CXADR: variants seen among roughly 807,000 people sequenced by gnomAD.
The protein encoded by CXADR is coxsackievirus and adenovirus receptor.
In CXADR, 20 loss-of-function variants were observed where a neutral mutation model predicts 40.3. The ratio of observed to expected loss-of-function variants is 0.50; its 90% confidence interval spans 0.35 to 0.72. The LOEUF is 0.72. Ranked by LOEUF, CXADR falls within the 30% of genes least tolerant of loss-of-function variation. CXADR has a pLI of 0.01. For synonymous variants in CXADR, 150 were observed against 161.3 expected, an observed-to-expected ratio of 0.93 and a Z score of 0.53; for missense variants, 332 against 449.1, an observed-to-expected ratio of 0.74 and a Z score of 2.36.
At chr21:17,615,494 A>G in the CXADR span, among the ~76,000 whole-genome samples, 5 of 152,346 alleles carry the variant, frequency 3.3e-5, no homozygotes, top group Admixed American at 2.6e-4. Context: ...AATTAGGAAC[A>G]GTAAGAGATT....
intron 1 of CXADR, among the ~76,000 whole-genome samples, chr21:17,531,998 G>A (rs578249714): frequency 2.5e-4 from 38 of 151,008 alleles, no homozygotes; most frequent in African/African-American, 8.5e-4. Context: ...CTGGAATGCA[G>A]TGATGCAGTC....
chr21:17,601,525 AAAAC>A, the CXADR span, among the ~76,000 whole-genome samples: 1 of 152,178 alleles, frequency 6.6e-6, no homozygotes, highest in African/African-American at 2.4e-5. Context: ...CCCTCTCTCT[AAAAC>A]AAAACAAAAC....
At chr21:17,546,009 C>T (rs2060892590) in intron 1 of CXADR, among the ~76,000 whole-genome samples, 1 of 152,110 alleles carries the variant, frequency 6.6e-6, no homozygotes, top group Non-Finnish European at 1.5e-5. Flanking sequence ...GAACTCCTGA[C>T]TTCAGATGAT....
chr21:17,573,802 G>A (rs1484528730), downstream of CXADR, among the ~76,000 whole-genome samples: 1 of 152,232 alleles, frequency 6.6e-6, no homozygotes, highest in Admixed American at 6.5e-5. Flanking sequence ...AGTTACTCGG[G>A]AGGCTGAGGC....
At chr21:17,571,859 T>C (rs1056256783), downstream of CXADR, among the ~76,000 whole-genome samples, 2 of 152,212 alleles carry the variant, frequency 1.3e-5, no homozygotes, top group African/African-American at 4.8e-5. Flanking sequence ...CTTTGCATTC[T>C]AATTGTTTCG....
intron 1 of CXADR, among the ~76,000 whole-genome samples, chr21:17,515,426 C>A (rs571393767): frequency 6.6e-6 from 1 of 151,366 alleles, no homozygotes; most frequent in African/African-American, 2.4e-5. Flanking sequence ...CGAGCCTGGG[C>A]GACAGAGTGA....
chr21:17,544,866 T>C (rs1194536589), intron 1 of CXADR, among the ~76,000 whole-genome samples: 3 of 152,194 alleles, frequency 2.0e-5, no homozygotes, highest in African/African-American at 7.2e-5. Flanking sequence ...TCTCAGTCTA[T>C]TGGCTTTGAC....
chr21:17,624,803 T>C, the CXADR span, among the ~76,000 whole-genome samples: 1 of 152,302 alleles, frequency 6.6e-6, no homozygotes, highest in South Asian at 2.1e-4. Context: ...TGGGCCCATA[T>C]GCTTGCTGTC....
At chr21:17,597,523 G>A (rs1390023336), downstream of CXADR, among the ~76,000 whole-genome samples, 2 of 151,956 alleles carry the variant, frequency 1.3e-5, no homozygotes, top group African/African-American at 4.8e-5. Flanking sequence ...GGTAATGAAT[G>A]TCTCTGTGGA....
rs1489982019 is a variant in CXADR, at chr21:17,565,718, C to G, written c.*26C>G. 3.2e-6 allele frequency: 5 copies of G among 1,586,902 alleles called. No homozygotes were observed. Among genetic ancestry groups the G allele is most frequent in the Non-Finnish European group, 3.4e-6 (4 of 1,166,164 alleles). ...AGCCTCCATATGTCTCATCTGTGCTCTCCGTGTTCCTTTCCTTTTTTTGAT... is the reference window on the plus strand; with the variant it reads ...AGCCTCCATATGTCTCATCTGTGCTGTCCGTGTTCCTTTCCTTTTTTTGAT... On this transcript the variant is annotated 3_prime_UTR_variant, in exon 7 of 7. Coordinates refer to ENST00000284878, the MANE Select transcript of CXADR (RefSeq NM_001338.5).
the CXADR span, among the ~76,000 whole-genome samples, chr21:17,634,267 T>TG: frequency 6.6e-6 from 1 of 152,224 alleles, no homozygotes. Context: ...ATCCTTCATC[T>TG]GGGGCCTACC....
At chr21:17,627,282 G>C in the CXADR span, among the ~76,000 whole-genome samples, 1 of 152,106 alleles carries the variant, frequency 6.6e-6, no homozygotes, top group Non-Finnish European at 1.5e-5. Flanking sequence ...CTTGAACCTA[G>C]GAGGCGGAGG....
At chr21:17,529,034 CTTTTTTTTTTTTT>C (rs10530177) in intron 1 of CXADR, among the ~76,000 whole-genome samples, 7 of 121,386 alleles carry the variant, frequency 5.8e-5, no homozygotes, top group Admixed American at 2.6e-4. Context: ...GACTTTTTGT[CTTTTTTTTTTTTT>C]TTTTTTTTTG....
At chr21:17,620,599 A>G in the CXADR span, among the ~76,000 whole-genome samples, 1 of 152,218 alleles carries the variant, frequency 6.6e-6, no homozygotes. Flanking sequence ...CTTGCTTGAC[A>G]CAAGATTGCC....
intron 1 of CXADR, among the ~76,000 whole-genome samples, chr21:17,523,016 C>T (rs1233917411): frequency 6.6e-6 from 1 of 152,132 alleles, no homozygotes; most frequent in Non-Finnish European, 1.5e-5. Flanking sequence ...TATCCAATTT[C>T]GAAGTCATTG....
chr21:17,559,234 G>C (rs1030765248), intron 4 of CXADR, 103 bp downstream of exon 4: 47 of 1,208,422 alleles, frequency 3.9e-5, no homozygotes, highest in Non-Finnish European at 5.0e-5. Flanking sequence ...TGTCACCCAG[G>C]CTCACTGCAA....
the CXADR span, chr21:17,612,565 C>A: frequency 4.6e-5 from 7 of 152,188 alleles, no homozygotes; most frequent in African/African-American, 1.7e-4. Flanking sequence ...CTGGTTCCAT[C>A]CCCTGCCCCT....
chr21:17,624,611 G>A, the CXADR span, among the ~76,000 whole-genome samples: 3 of 152,084 alleles, frequency 2.0e-5, no homozygotes, highest in South Asian at 4.1e-4. Flanking sequence ...GACTCTATTG[G>A]ACCCACCTGG....
At chr21:17,543,763 C>T (rs986762095) in intron 1 of CXADR, among the ~76,000 whole-genome samples, 1 of 152,184 alleles carries the variant, frequency 6.6e-6, no homozygotes, top group Non-Finnish European at 1.5e-5. Flanking sequence ...CAATTTATTT[C>T]AGCCCTAATA....
Sources: allele counts gnomAD v4.1 joint callset (sites outside exome capture counted in the v4.1 genomes callset), GRCh38; gene constraint gnomAD v4.1.1; transcripts MANE v1.5; gene names NCBI Gene and HGNC (gene_info 2026-07-23, HGNC 2026-07-21).